FILIP1L: variants seen among roughly 807,000 people sequenced by gnomAD.
The protein encoded by FILIP1L is filamin A interacting protein 1 like, also known as filamin A-interacting protein 1-like.
In FILIP1L, 55 loss-of-function variants were observed where a neutral mutation model predicts 96.6. The observed-to-expected ratio is 0.57, with a 90% CI of 0.46 to 0.71. FILIP1L has a LOEUF of 0.71. Ranked by LOEUF, FILIP1L falls within the 30% of genes least tolerant of loss-of-function variation. The pLI, the probability that FILIP1L is intolerant of heterozygous loss-of-function variation, is 0.00. For missense variants in FILIP1L, 1,304 were observed against 1,321.2 expected (o/e 0.99, Z 0.20); for synonymous variants, 467 against 473.9 (o/e 0.99, Z 0.19).
intron 5 of FILIP1L, among the ~76,000 whole-genome samples, chr3:99,844,793 C>A (rs1256285290): frequency 6.6e-6 from 1 of 152,142 alleles, no homozygotes; most frequent in African/African-American, 2.4e-5. Context: ...TCTTGTGATA[C>A]TGAGGGAGTT....
chr3:100,036,332 A>G (rs1342967596), intron 1 of FILIP1L, among the ~76,000 whole-genome samples: 1 of 152,226 alleles, frequency 6.6e-6, no homozygotes, highest in Admixed American at 6.5e-5. Context: ...ATGAGCCTGG[A>G]ACATCTTTTC....
chr3:99,990,619 C>T (rs914213278), intron 1 of FILIP1L, among the ~76,000 whole-genome samples: 1 of 152,066 alleles, frequency 6.6e-6, no homozygotes, highest in African/African-American at 2.4e-5. Context: ...CACTTAAAAC[C>T]AATTAAATCA....
chr3:99,988,341 C>A (rs1351120987), intron 1 of FILIP1L, among the ~76,000 whole-genome samples: 7,406 of 62,018 alleles, frequency 0.12, 1,030 homozygotes, highest in African/African-American at 0.28. Context: ...ACTAAAAATC[C>A]AAAAAAAAAA....
chr3:99,941,263 G>T (rs917241824), intron 1 of FILIP1L, among the ~76,000 whole-genome samples: 3 of 151,884 alleles, frequency 2.0e-5, no homozygotes, highest in Non-Finnish European at 4.4e-5. Context: ...GTGTTATAAA[G>T]CTCACAGCTT....
At chr3:99,932,655 C>T (rs368257188) in intron 1 of FILIP1L, among the ~76,000 whole-genome samples, 78 of 152,194 alleles carry the variant, frequency 5.1e-4, no homozygotes, top group African/African-American at 1.6e-3. Context: ...TTTGGGAGGC[C>T]GAGGCAGGCG....
At chr3:99,974,435 C>T (rs940978013) in intron 1 of FILIP1L, among the ~76,000 whole-genome samples, 5 of 152,092 alleles carry the variant, frequency 3.3e-5, no homozygotes, top group East Asian at 1.9e-4. Flanking sequence ...TTGGGCTGGG[C>T]GCAGTGGCTC....
chr3:99,858,805 A>G (rs190760273), intron 4 of FILIP1L, among the ~76,000 whole-genome samples: 92 of 152,334 alleles, frequency 6.0e-4, no homozygotes, highest in African/African-American at 2.1e-3. Flanking sequence ...TTTAAGAACC[A>G]TTACTCCAGA....
chr3:100,085,406 G>A (rs1576038188), intron 1 of FILIP1L, among the ~76,000 whole-genome samples: 3 of 152,186 alleles, frequency 2.0e-5, no homozygotes, highest in South Asian at 4.2e-4. Flanking sequence ...TAATAGCAGG[G>A]TCTTTTTATA....
chr3:100,087,943 GCCTCAGC>G (rs1159999793), intron 1 of FILIP1L, among the ~76,000 whole-genome samples: 9 of 148,824 alleles, frequency 6.0e-5, no homozygotes, highest in Non-Finnish European at 1.5e-5. Context: ...CAATTCTCCT[GCCTCAGC>G]CTCTCAAGTA....
At chr3:99,991,010 A>G (rs914329505) in intron 1 of FILIP1L, among the ~76,000 whole-genome samples, 22 of 152,198 alleles carry the variant, frequency 1.4e-4, no homozygotes, top group African/African-American at 5.3e-4. Flanking sequence ...CTCCAGAAAT[A>G]TCCACAAATG....
chr3:99,983,434 ATATATATG>A (rs1559713519), intron 1 of FILIP1L, among the ~76,000 whole-genome samples: 8 of 67,818 alleles, frequency 1.2e-4, no homozygotes, highest in African/African-American at 4.2e-4. Context: ...GTATGTATGT[ATATATATG>A]TATGTATATA....
chr3:99,832,176 A>G (rs954699341), intron 5 of FILIP1L, among the ~76,000 whole-genome samples: 1 of 151,176 alleles, frequency 6.6e-6, no homozygotes, highest in Non-Finnish European at 1.5e-5. Flanking sequence ...TTACCTCTAG[A>G]TGGCAGCAAA....
rs151110743 is a variant in FILIP1L, at chr3:99,922,376, A to G, written c.605+1854T>C. Among the ~76,000 whole-genome samples the G allele has an allele frequency of 6.7e-3, 1,026 of 152,230 alleles. 3 individuals carry two copies. Among genetic ancestry groups the G allele is most frequent in the African/African-American group, 8.5e-3 (353 of 41,534 alleles). ...GTGCCAGATTTCTTGTGCTCCTTTAATCTGTCCCTGTAGATATTTCAGAGT... is the reference window on the plus strand; with the variant it reads ...GTGCCAGATTTCTTGTGCTCCTTTAGTCTGTCCCTGTAGATATTTCAGAGT... On this transcript the variant is annotated intron_variant, in intron 4 of 5. Transcript: ENST00000477258.
chr3:100,017,345 G>A (rs1031194303), intron 1 of FILIP1L, among the ~76,000 whole-genome samples: 7 of 152,124 alleles, frequency 4.6e-5, no homozygotes, highest in South Asian at 2.1e-4. Context: ...GAGATTTGTA[G>A]CACCTCCTGA....
chr3:100,065,634 C>A (rs1336806820), intron 1 of FILIP1L, among the ~76,000 whole-genome samples: 1 of 152,172 alleles, frequency 6.6e-6, no homozygotes, highest in African/African-American at 2.4e-5. Flanking sequence ...TTTACCACTG[C>A]CATAGTGCCC....
chr3:99,914,523 T>C (rs950894396), intron 4 of FILIP1L, among the ~76,000 whole-genome samples: 34 of 152,250 alleles, frequency 2.2e-4, no homozygotes, highest in Non-Finnish European at 4.4e-5. Flanking sequence ...CTTTATACTC[T>C]TTACAACATC....
chr3:99,927,004 G>A (rs1465748215), intron 3 of FILIP1L, among the ~76,000 whole-genome samples: 1 of 152,092 alleles, frequency 6.6e-6, no homozygotes, highest in Non-Finnish European at 1.5e-5. Context: ...GGGCCAAAAG[G>A]CCCTTCACCA....
intron 1 of FILIP1L, among the ~76,000 whole-genome samples, chr3:100,018,066 C>A (rs528886882): frequency 6.6e-6 from 1 of 152,142 alleles, no homozygotes; most frequent in Non-Finnish European, 1.5e-5. Context: ...CAGGGGCTCA[C>A]GCCTGTAATC....
Position 99,938,327 on chromosome 3 carries a change from A to T in FILIP1L, c.-10-7297T>A, listed in dbSNP as rs546797091. Among the ~76,000 whole-genome samples, 4 of 152,358 alleles carry T rather than the reference A, an allele frequency of 2.6e-5. No homozygotes were observed. In the East Asian group the frequency reaches 7.7e-4, roughly 29 times the overall value. ...ACCATCATTAGTTCTGTTTTTAAGCATGTAACATTTTATTAAGGCAGTCAT... is the reference window on the plus strand; with the variant it reads ...ACCATCATTAGTTCTGTTTTTAAGCTTGTAACATTTTATTAAGGCAGTCAT... On this transcript the variant is annotated intron_variant, in intron 1 of 5. Transcript: ENST00000477258.
Sources: allele counts gnomAD v4.1 joint callset (sites outside exome capture counted in the v4.1 genomes callset), GRCh38; gene constraint gnomAD v4.1.1; transcripts MANE v1.5; gene names NCBI Gene and HGNC (gene_info 2026-07-23, HGNC 2026-07-21).